Variants in ROBO2 observed in about 807,000 individuals in gnomAD.
The protein encoded by ROBO2 is roundabout homolog 2.
In ROBO2, 53 loss-of-function variants were observed where a neutral mutation model predicts 160.8. The observed-to-expected ratio is 0.33, with a 90% CI of 0.26 to 0.41. The LOEUF is 0.41. Ranked by LOEUF, ROBO2 falls within the 10% of genes least tolerant of loss-of-function variation. ROBO2 has a pLI of 1.00. For missense variants in ROBO2, 1,577 were observed against 1,722.4 expected, an observed-to-expected ratio of 0.92 and a Z score of 1.49; for synonymous variants, 664 against 611.7, an observed-to-expected ratio of 1.09 and a Z score of -1.26.
At chr3:76,006,465 G>A (rs2066023131) in intron 2 of ROBO2, among the ~76,000 whole-genome samples, 1 of 152,146 alleles carries the variant, frequency 6.6e-6, no homozygotes, top group Non-Finnish European at 1.5e-5. Flanking sequence ...ATCAGCATTC[G>A]GTAAAGGGAA....
At chr3:76,686,875 C>A (rs1334329400) in intron 2 of ROBO2, among the ~76,000 whole-genome samples, 1 of 151,994 alleles carries the variant, frequency 6.6e-6, no homozygotes. Context: ...ATTCTAATAC[C>A]TGACCCATTT....
chr3:76,212,734 C>G (rs143463051), intron 2 of ROBO2, among the ~76,000 whole-genome samples: 1 of 152,150 alleles, frequency 6.6e-6, no homozygotes, highest in African/African-American at 2.4e-5. Flanking sequence ...CTTGTCCATT[C>G]AGTACTTGCT....
intron 2 of ROBO2, among the ~76,000 whole-genome samples, chr3:77,473,620 A>T (rs1385200982): frequency 6.6e-6 from 1 of 151,018 alleles, no homozygotes; most frequent in Non-Finnish European, 1.5e-5. Flanking sequence ...CGCCAGGCTA[A>T]TTTTTTTTGG....
At chr3:77,095,421 C>G (rs565881473) in intron 1 of ROBO2, among the ~76,000 whole-genome samples, 72 of 152,002 alleles carry the variant, frequency 4.7e-4, no homozygotes, top group Non-Finnish European at 9.7e-4. Flanking sequence ...TATTTCAGGT[C>G]TTATTCAGCC....
At chr3:77,293,759 C>A (rs1225300520) in intron 2 of ROBO2, among the ~76,000 whole-genome samples, 3 of 139,952 alleles carry the variant, frequency 2.1e-5, no homozygotes, top group East Asian at 4.1e-4. Context: ...CTAGATCACC[C>A]CAGACATAAA....
intron 2 of ROBO2, among the ~76,000 whole-genome samples, chr3:77,008,120 A>G (rs2061678081): frequency 6.6e-6 from 1 of 152,082 alleles, no homozygotes. Flanking sequence ...CTATATTAAA[A>G]TTATAAAATC....
At chr3:76,058,875 C>T (rs1391638003) in intron 2 of ROBO2, among the ~76,000 whole-genome samples, 1 of 144,566 alleles carries the variant, frequency 6.9e-6, no homozygotes, top group Non-Finnish European at 1.5e-5. Context: ...GTTCAATTCC[C>T]ACCTATGAGT....
At chr3:77,546,230 G>GTC (rs2092693059) in intron 6 of ROBO2, 108 bp from the exon 8 acceptor site, 1 of 1,176,956 alleles carries the variant, frequency 8.5e-7, no homozygotes, top group Non-Finnish European at 1.2e-6. Flanking sequence ...AAAAACTGTA[G>GTC]TCTCTCTCTG....
chr3:76,092,990 C>T (rs905529545), intron 2 of ROBO2, among the ~76,000 whole-genome samples: 10 of 152,062 alleles, frequency 6.6e-5, no homozygotes, highest in Non-Finnish European at 1.5e-4. Flanking sequence ...TACATCATAG[C>T]CCAAATGTAG....
At chr3:77,281,650 A>G (rs1000694104) in intron 2 of ROBO2, among the ~76,000 whole-genome samples, 7 of 152,242 alleles carry the variant, frequency 4.6e-5, no homozygotes, top group African/African-American at 1.7e-4. Flanking sequence ...CCTATCACCT[A>G]TGTGCATCCT....
intron 9 of ROBO2, among the ~76,000 whole-genome samples, chr3:77,559,633 A>G (rs1201803669): frequency 2.6e-5 from 4 of 152,238 alleles, no homozygotes; most frequent in South Asian, 2.1e-4. Context: ...TTAACTACAC[A>G]TATTTCCAAA....
At chr3:77,264,148 A>G (rs1205516762) in intron 2 of ROBO2, among the ~76,000 whole-genome samples, 1 of 152,180 alleles carries the variant, frequency 6.6e-6, no homozygotes, top group Non-Finnish European at 1.5e-5. Context: ...TAATTTTTAA[A>G]TTCAGTGCTT....
chr3:75,998,630 G>A (rs190322041), intron 2 of ROBO2, among the ~76,000 whole-genome samples: 5 of 152,124 alleles, frequency 3.3e-5, no homozygotes, highest in African/African-American at 1.2e-4. Context: ...AAAATAAAAG[G>A]TGTTTTCAAA....
chr3:76,100,997 A>G (rs2069660339), intron 2 of ROBO2, among the ~76,000 whole-genome samples: 1 of 152,186 alleles, frequency 6.6e-6, no homozygotes, highest in Non-Finnish European at 1.5e-5. Context: ...GATAATTGAA[A>G]ACATTTTAAT....
intron 2 of ROBO2, among the ~76,000 whole-genome samples, chr3:76,496,043 A>C (rs1028795613): frequency 4.6e-5 from 7 of 152,216 alleles, no homozygotes; most frequent in African/African-American, 1.4e-4. Context: ...TACAGGCAAA[A>C]TGTTGCATGA....
chr3:76,970,428 C>G (rs28374619), intron 2 of ROBO2, among the ~76,000 whole-genome samples: 3,829 of 152,244 alleles, frequency 0.025, 160 homozygotes, highest in African/African-American at 0.088. Flanking sequence ...GGTGACCTCA[C>G]TTCATGGTCA....
intron 2 of ROBO2, among the ~76,000 whole-genome samples, chr3:76,160,162 C>T (rs183954174): frequency 2.6e-5 from 4 of 152,162 alleles, no homozygotes; most frequent in Middle Eastern, 3.4e-3. Context: ...AACATTGGTA[C>T]GGCCTTTGCT....
intron 2 of ROBO2, among the ~76,000 whole-genome samples, chr3:76,809,622 GCC>G (rs2065006996): frequency 6.6e-6 from 1 of 152,148 alleles, no homozygotes. Context: ...CTTAGGGAAT[GCC>G]CACTATGAAT....
At chr3:76,268,552 AAAAG>A (rs1244552629) in intron 2 of ROBO2, among the ~76,000 whole-genome samples, 3 of 152,120 alleles carry the variant, frequency 2.0e-5, no homozygotes, top group Non-Finnish European at 4.4e-5. Context: ...CATGCACAGA[AAAAG>A]AAAGATCTTC....
Sources: allele counts gnomAD v4.1 joint callset (sites outside exome capture counted in the v4.1 genomes callset), GRCh38; gene constraint gnomAD v4.1.1; transcripts MANE v1.5; gene names NCBI Gene and HGNC (gene_info 2026-07-23, HGNC 2026-07-21).